Variants in TLN2 observed in about 807,000 individuals in gnomAD.
TLN2 encodes talin 2.
TLN2 carries 118 observed loss-of-function variants against 294.7 expected under a neutral mutation model. The observed-to-expected ratio is 0.40, with a 90% CI of 0.34 to 0.47. TLN2 has a LOEUF of 0.47. Among genes scored for constraint, TLN2 ranks in the 20% least tolerant of loss-of-function variants. TLN2 has a pLI of 0.84. For missense variants in TLN2, 3,083 were observed against 3,282.2 expected, an observed-to-expected ratio of 0.94 and a Z score of 1.48; for synonymous variants, 1,431 against 1,304.5, an observed-to-expected ratio of 1.10 and a Z score of -2.09.
intron 1 of TLN2, among the ~76,000 whole-genome samples, chr15:62,408,958 C>G (rs984600200): frequency 6.8e-6 from 1 of 146,262 alleles, no homozygotes; most frequent in African/African-American, 2.5e-5. Flanking sequence ...GCATGCCTGG[C>G]CCTTATTTTT....
chr15:62,452,481 C>T (rs2036215772), intron 1 of TLN2, among the ~76,000 whole-genome samples: 1 of 152,124 alleles, frequency 6.6e-6, no homozygotes, highest in Non-Finnish European at 1.5e-5. Flanking sequence ...CTACTTTAAC[C>T]ATTTGTAAGT....
In TLN2 at chr15:62,815,173, TCTGTCACACACACACA is replaced by T. The variant is rs1224013861; in HGVS notation, c.6772-4341_6772-4326del. ...TTAAAAACTGGAGATTTTTATTCTG[TCTGTCACACACACACA>T]CACACACACACACACACACACACAC... On this transcript the variant is annotated intron_variant, in intron 52 of 58. Transcript: ENST00000636159. Among the ~76,000 whole-genome samples, 159 of 134,044 alleles carry T rather than the reference TCTGTCACACACACACA, an allele frequency of 1.2e-3. 1 individual carries two copies. Among genetic ancestry groups the T allele is most frequent in the Middle Eastern group, 3.7e-3 (1 of 272 alleles). 87.9% of individuals were successfully genotyped at this position (134,044 alleles called of 152,430 possible). A position where few individuals can be genotyped will look rare whatever the true frequency, so the allele number is the denominator to read the frequency against.
chr15:62,639,275 C>CTA (rs2050731486), intron 3 of TLN2, among the ~76,000 whole-genome samples: 1 of 151,596 alleles, frequency 6.6e-6, no homozygotes, highest in Admixed American at 6.6e-5. Flanking sequence ...ATATCTATAT[C>CTA]TATCTTATTG....
chr15:62,655,832 T>C, intron 7 of TLN2, 112 bp from the exon 8 acceptor site: 1 of 1,189,370 alleles, frequency 8.4e-7, no homozygotes, highest in African/African-American at 1.5e-5. Context: ...ATAACTACTA[T>C]AACTAAGTAT....
Position 62,827,840 on chromosome 15 carries a change from G to C in TLN2, c.7003-5664G>C, listed in dbSNP as rs549635903. 4 of 152,194 alleles carry C rather than the reference G, an allele frequency of 2.6e-5. No individual in the cohort carries two copies. The East Asian group carries it at 7.7e-4, about 29-fold the overall frequency. The allele number at this position is 152,194 out of a possible 1,614,324, so 9.4% of individuals were successfully genotyped here. On this transcript the variant is annotated intron_variant, in intron 54 of 58. Coordinates refer to ENST00000636159, the MANE Select transcript of TLN2 (RefSeq NM_015059.3). Reference sequence around the variant, plus strand: ...GCCATGCTTTACATATACTAATCACGTGCTTGTAATGACTCCATCAGATAG... The same window carrying C: ...GCCATGCTTTACATATACTAATCACCTGCTTGTAATGACTCCATCAGATAG...
chr15:62,741,943 G>T (rs1184659200), intron 32 of TLN2, among the ~76,000 whole-genome samples: 1 of 149,916 alleles, frequency 6.7e-6, no homozygotes, highest in Non-Finnish European at 1.5e-5. Context: ...CATCCTTAAA[G>T]CTCTCCTTAG....
chr15:62,448,714 A>G (rs1427367796), intron 1 of TLN2, among the ~76,000 whole-genome samples: 1 of 152,220 alleles, frequency 6.6e-6, no homozygotes, highest in Non-Finnish European at 1.5e-5. Context: ...GGTTGTTAGG[A>G]ATAGTAATTC....
At chr15:62,647,148 T>G in intron 3 of TLN2, 127 bp from the exon 4 acceptor site, 1 of 925,168 alleles carries the variant, frequency 1.1e-6, no homozygotes, top group East Asian at 2.6e-5. Flanking sequence ...AGTGTACTCT[T>G]TATTTGCTGT....
chr15:62,468,994 A>T (rs1445773907), intron 1 of TLN2, among the ~76,000 whole-genome samples: 3 of 152,170 alleles, frequency 2.0e-5, no homozygotes, highest in African/African-American at 7.2e-5. Flanking sequence ...AATTTACCCT[A>T]TGTGAGATGA....
At chr15:62,788,851 G>A (rs2064881682) in intron 45 of TLN2, among the ~76,000 whole-genome samples, 1 of 152,110 alleles carries the variant, frequency 6.6e-6, no homozygotes. Context: ...ACATGTACCT[G>A]TTCATTTGAC....
At chr15:62,465,104 G>GTTTTTTTTTT (rs57890839) in intron 1 of TLN2, among the ~76,000 whole-genome samples, 1 of 85,514 alleles carries the variant, frequency 1.2e-5, no homozygotes, top group Non-Finnish European at 2.1e-5. Context: ...TGGTGAGCGC[G>GTTTTTTTTTT]TTTTTTTTTT....
intron 1 of TLN2, among the ~76,000 whole-genome samples, chr15:62,512,816 G>A (rs2039997523): frequency 6.6e-6 from 1 of 152,124 alleles, no homozygotes; most frequent in Non-Finnish European, 1.5e-5. Context: ...TGCTGGTTTG[G>A]GTCAGGATGT....
intron 1 of TLN2, among the ~76,000 whole-genome samples, chr15:62,537,410 T>A (rs1235444958): frequency 6.6e-6 from 1 of 152,194 alleles, no homozygotes; most frequent in African/African-American, 2.4e-5. Context: ...ATTTGGGGGT[T>A]GGGGTCTAAT....
chr15:62,708,918 C>A, intron 21 of TLN2, 122 bp downstream of exon 21: 1 of 1,170,270 alleles, frequency 8.5e-7, no homozygotes, highest in Non-Finnish European at 1.2e-6. Context: ...TCTTCAGTCT[C>A]AAAGACTTCC....
At chr15:62,708,929 C>A (rs907939706) in intron 21 of TLN2, 133 bp downstream of exon 21, 6 of 1,055,968 alleles carry the variant, frequency 5.7e-6, no homozygotes, top group South Asian at 3.4e-5. Flanking sequence ...AAAGACTTCC[C>A]CACTGAAGCT....
Position 62,685,166 on chromosome 15 carries a change from T to A in TLN2, c.958-1475T>A, listed in dbSNP as rs549576379. Among the ~76,000 whole-genome samples, 5 of 152,290 alleles carry A rather than the reference T, an allele frequency of 3.3e-5. No individual in the cohort carries two copies. In the South Asian group the frequency reaches 8.3e-4, roughly 25 times the overall value. ...CATGTAATGGACATAGGCCTATTTT[T>A]AAATTTTTATTTCCTCTAAGATTAG... On this transcript the variant is annotated intron_variant, in intron 11 of 58. Transcript: ENST00000636159.
Position 62,590,216 on chromosome 15 carries a change from C to T in TLN2, c.-162+454C>T, listed in dbSNP as rs80108067. 1.5e-3 allele frequency among the ~76,000 whole-genome samples: 235 copies of T among 151,984 alleles called. 6 individuals are homozygous for T. The East Asian group carries it at 0.036, about 24-fold the overall frequency. On this transcript the variant is annotated intron_variant, in intron 2 of 58. Transcript: ENST00000636159. ...TGGGCAGGTTTGTTTCGTAGGTAAA[C>T]GTGTCATGGGAGTTCATTGTACAGA...
chr15:62,653,199 A>G lies in TLN2; in HGVS notation c.402A>G (p.Glu134=). 2 of 1,605,498 alleles carry G rather than the reference A, an allele frequency of 1.2e-6. No individual in the cohort carries two copies. The highest frequency in any genetic ancestry group is 1.7e-6 in the Non-Finnish European group (2 of 1,175,722). Residue 134 remains glutamate (E), a synonymous_variant, in exon 7 of 59, where the codon GAA becomes GAG. Transcript: ENST00000636159. Reference sequence around the variant, plus strand: ...ATGAAGAATACTCCTTAATCCAAGAAACTATTGAAGAAAAGAAAGAGGAAG... The same window carrying G: ...ATGAAGAATACTCCTTAATCCAAGAGACTATTGAAGAAAAGAAAGAGGAAG... ...TNYEEYSLIQ[E]TIEEKKEEGT...
intron 1 of TLN2, among the ~76,000 whole-genome samples, chr15:62,457,018 A>G (rs1342526895): frequency 6.6e-6 from 1 of 152,172 alleles, no homozygotes; most frequent in East Asian, 1.9e-4. Flanking sequence ...CACACTGTTT[A>G]GTTTGCCTGT....
Sources: allele counts gnomAD v4.1 joint callset (sites outside exome capture counted in the v4.1 genomes callset), GRCh38; gene constraint gnomAD v4.1.1; transcripts MANE v1.5; gene names NCBI Gene and HGNC (gene_info 2026-07-23, HGNC 2026-07-21).